DCP1A: variants seen among roughly 807,000 people sequenced by gnomAD.
DCP1A encodes decapping mRNA 1A, also known as mRNA-decapping enzyme 1A.
Under a neutral mutation model 58.0 loss-of-function variants are expected in DCP1A, and 20 were observed. That is an observed-to-expected ratio of 0.34 (90% confidence interval 0.24 to 0.50). DCP1A has a LOEUF of 0.50. Among genes scored for constraint, DCP1A ranks in the 20% least tolerant of loss-of-function variants. DCP1A has a pLI of 0.98. For missense variants in DCP1A, 613 were observed against 712.2 expected (o/e 0.86, Z 1.59); for synonymous variants, 285 against 275.1 (o/e 1.04, Z -0.36).
intron 6 of DCP1A, among the ~76,000 whole-genome samples, chr3:53,297,373 T>A (rs1459690153): frequency 2.6e-5 from 4 of 151,390 alleles, no homozygotes; most frequent in South Asian, 2.1e-4. Context: ...TTTTTTTTTT[T>A]AATTTTTGAG....
chr3:53,314,782 G>C (rs11706608), intron 4 of DCP1A, among the ~76,000 whole-genome samples: 36 of 145,006 alleles, frequency 2.5e-4, no homozygotes, highest in Non-Finnish European at 1.8e-4. Context: ...AGCGATTCTC[G>C]TGCCTCAGCC....
chr3:53,307,723 T>C (rs941075499), intron 5 of DCP1A, among the ~76,000 whole-genome samples: 2 of 152,144 alleles, frequency 1.3e-5, no homozygotes, highest in Non-Finnish European at 2.9e-5. Context: ...TAATATTTGG[T>C]AAAAATCTTA....
chr3:53,300,670 C>T (rs1468732583), intron 6 of DCP1A, among the ~76,000 whole-genome samples: 1 of 151,724 alleles, frequency 6.6e-6, no homozygotes, highest in Non-Finnish European at 1.5e-5. Flanking sequence ...ATTTTTGAAA[C>T]AGGGTCTCCC....
chr3:53,340,252 G>A (rs1553692393), intron 3 of DCP1A, among the ~76,000 whole-genome samples: 2 of 152,168 alleles, frequency 1.3e-5, no homozygotes, highest in Non-Finnish European at 2.9e-5. Flanking sequence ...GGAATATTCA[G>A]TACAAAGAAA....
intron 3 of DCP1A, among the ~76,000 whole-genome samples, chr3:53,338,884 C>T (rs1360439567): frequency 6.6e-6 from 1 of 150,482 alleles, no homozygotes; most frequent in African/African-American, 2.4e-5. Context: ...AAGAAAAACT[C>T]TTAAAAATAA....
chr3:53,292,147 T>C lies in DCP1A; in HGVS notation c.1305A>G (p.Ile435Met). 1 of 1,613,950 alleles carries C rather than the reference T, an allele frequency of 6.2e-7. No individual in the cohort carries two copies. The highest frequency in any genetic ancestry group is 8.5e-7 in the Non-Finnish European group (1 of 1,179,896). The change falls in exon 7 of 10, where the codon ATA becomes ATG. Residue 435 changes from isoleucine (I) to methionine (M), a missense_variant. Physicochemically the swap from Ile to Met is conservative, Grantham distance 10 (BLOSUM62 1). Coordinates refer to ENST00000610213, the MANE Select transcript of DCP1A (RefSeq NM_018403.7). The part of the protein sequence containing the change: ...AGQLATPESF[I>M]EPPSKTAAAR... Reference sequence around the variant, plus strand: ...CTGCTGCTGTCTTAGAGGGAGGCTCTATGAAGCTCTCAGGTGTGGCTAGCT... The same window carrying C: ...CTGCTGCTGTCTTAGAGGGAGGCTCCATGAAGCTCTCAGGTGTGGCTAGCT...
chr3:53,335,464 G>A (rs1553691808), intron 3 of DCP1A, among the ~76,000 whole-genome samples: 1 of 152,108 alleles, frequency 6.6e-6, no homozygotes, highest in East Asian at 1.9e-4. Flanking sequence ...TTTTATGCTT[G>A]GAGCTCATTC....
chr3:53,321,910 T>C (rs1444221304), intron 3 of DCP1A, among the ~76,000 whole-genome samples: 1 of 152,134 alleles, frequency 6.6e-6, no homozygotes, highest in Non-Finnish European at 1.5e-5. Flanking sequence ...AGAAAGCCTA[T>C]ACATAATTAA....
intron 3 of DCP1A, among the ~76,000 whole-genome samples, chr3:53,336,761 G>A (rs1326866375): frequency 6.6e-6 from 1 of 152,048 alleles, no homozygotes; most frequent in Non-Finnish European, 1.5e-5. Flanking sequence ...CTAAATGAAT[G>A]GTACAACTTG....
chr3:53,305,687 T>C (rs559375237), intron 5 of DCP1A, among the ~76,000 whole-genome samples: 123 of 152,278 alleles, frequency 8.1e-4, no homozygotes, highest in African/African-American at 2.9e-3. Context: ...CTAGGAGTGG[T>C]ACTTCTTGGG....
intron 9 of DCP1A, 36 bp downstream of exon 9, chr3:53,288,029 A>C (rs1553685382): frequency 1.3e-6 from 2 of 1,549,354 alleles, no homozygotes; most frequent in African/African-American, 2.7e-5. Flanking sequence ...TCATTAAATA[A>C]TGAAAAATCA....
At chr3:53,294,214 T>A (rs1707037007) in intron 6 of DCP1A, among the ~76,000 whole-genome samples, 1 of 152,230 alleles carries the variant, frequency 6.6e-6, no homozygotes, top group Admixed American at 6.5e-5. Context: ...AGGCTTTATA[T>A]TTTAGAACGT....
intron 1 of DCP1A, among the ~76,000 whole-genome samples, chr3:53,345,973 T>C (rs1244128280): frequency 6.6e-6 from 1 of 152,176 alleles, no homozygotes; most frequent in African/African-American, 2.4e-5. Flanking sequence ...AGGATCCAAA[T>C]AAACAGTAGC....
chr3:53,332,781 C>T (rs79334983), intron 3 of DCP1A, among the ~76,000 whole-genome samples: 115 of 151,786 alleles, frequency 7.6e-4, no homozygotes, highest in African/African-American at 2.4e-3. Flanking sequence ...AGGAGAATGG[C>T]GTGAACCCGG....
intron 4 of DCP1A, among the ~76,000 whole-genome samples, chr3:53,317,100 T>C (rs1454550798): frequency 6.6e-6 from 1 of 152,220 alleles, no homozygotes; most frequent in Non-Finnish European, 1.5e-5. Context: ...TTCCAAAGTT[T>C]AGAAAAAATC....
At chr3:53,330,523 G>GA (rs35855927) in intron 3 of DCP1A, among the ~76,000 whole-genome samples, 2,631 of 125,422 alleles carry the variant, frequency 0.021, 110 homozygotes, top group South Asian at 0.16. Flanking sequence ...CCTTGTCTCA[G>GA]AAAAAAAAAA....
At chr3:53,326,710 G>C (rs1708112465) in intron 3 of DCP1A, among the ~76,000 whole-genome samples, 1 of 152,184 alleles carries the variant, frequency 6.6e-6, no homozygotes, top group African/African-American at 2.4e-5. Flanking sequence ...CCTCCAGATG[G>C]AACTGCTGTT....
intron 4 of DCP1A, among the ~76,000 whole-genome samples, chr3:53,313,542 C>T (rs1707711541): frequency 6.6e-6 from 1 of 151,984 alleles, no homozygotes; most frequent in Non-Finnish European, 1.5e-5. Context: ...GTGGTAAGCA[C>T]ATACATATTT....
chr3:53,307,146 A>G (rs1404461740), intron 5 of DCP1A, among the ~76,000 whole-genome samples: 1 of 151,822 alleles, frequency 6.6e-6, no homozygotes, highest in Admixed American at 6.6e-5. Context: ...ATGGGATTTC[A>G]CCATGTTGGC....
Sources: allele counts gnomAD v4.1 joint callset (sites outside exome capture counted in the v4.1 genomes callset), GRCh38; gene constraint gnomAD v4.1.1; transcripts MANE v1.5; gene names NCBI Gene and HGNC (gene_info 2026-07-23, HGNC 2026-07-21).